The following ROBO2 variants were observed in gnomAD, a reference collection of about 807,000 sequenced individuals.
ROBO2 encodes the protein roundabout guidance receptor 2.
In ROBO2, 53 loss-of-function variants were observed where a neutral mutation model predicts 160.8. The ratio of observed to expected loss-of-function variants is 0.33; its 90% CI spans 0.26 to 0.41. The LOEUF (loss-of-function observed/expected upper bound fraction) is 0.41, where lower values mean the gene tolerates loss of function less well. ROBO2 is among the 10% of genes least tolerant of loss of function. The pLI is 1.00. For missense variants in ROBO2, 1,577 were observed against 1,722.4 expected, an observed-to-expected ratio of 0.92 and a Z score of 1.49; for synonymous variants, 664 against 611.7, an observed-to-expected ratio of 1.09 and a Z score of -1.26.
intron 2 of ROBO2, among the ~76,000 whole-genome samples, chr3:76,224,679 A>C (rs1353406405): frequency 3.9e-5 from 6 of 152,248 alleles, no homozygotes; most frequent in Admixed American, 2.6e-4. Context: ...CTAATTCATA[A>C]TTTTCTAATG....
intron 2 of ROBO2, among the ~76,000 whole-genome samples, chr3:77,194,581 T>C (rs192292199): frequency 1.3e-5 from 2 of 152,340 alleles, no homozygotes; most frequent in East Asian, 3.9e-4. Flanking sequence ...TGGGAATTCA[T>C]TAATTGACAT....
intron 2 of ROBO2, among the ~76,000 whole-genome samples, chr3:77,381,726 T>C (rs895449409): frequency 3.3e-5 from 5 of 152,248 alleles, no homozygotes; most frequent in Non-Finnish European, 4.4e-5. Flanking sequence ...AACATCATCA[T>C]TGAAAATCTC....
intron 2 of ROBO2, among the ~76,000 whole-genome samples, chr3:76,898,245 C>T (rs924251528): frequency 2.6e-5 from 4 of 151,998 alleles, no homozygotes; most frequent in African/African-American, 4.8e-5. Flanking sequence ...TTTTAAAGTG[C>T]TATTTTACAA....
chr3:76,689,111 G>C (rs911401697), intron 2 of ROBO2, among the ~76,000 whole-genome samples: 3 of 152,046 alleles, frequency 2.0e-5, no homozygotes, highest in African/African-American at 7.2e-5. Flanking sequence ...TGCAATTGCT[G>C]TCTCTTTCAT....
At chr3:77,608,506 T>C (rs1348277299) in intron 21 of ROBO2, among the ~76,000 whole-genome samples, 5 of 152,182 alleles carry the variant, frequency 3.3e-5, no homozygotes, top group Non-Finnish European at 7.4e-5. Flanking sequence ...CTTTTTAAGA[T>C]ACAAAATTTT....
chr3:75,925,237 A>T (rs1040076352), intron 1 of ROBO2, among the ~76,000 whole-genome samples: 4 of 151,914 alleles, frequency 2.6e-5, no homozygotes, highest in African/African-American at 4.8e-5. Flanking sequence ...TACAAAAAAT[A>T]CAAAAACTAG....
At chr3:76,025,191 A>G (rs1215322668) in intron 2 of ROBO2, among the ~76,000 whole-genome samples, 1 of 151,650 alleles carries the variant, frequency 6.6e-6, no homozygotes. Flanking sequence ...ATATTTAAAT[A>G]TAGTCATAGC....
chr3:76,840,645 TTATA>T (rs3068959), intron 2 of ROBO2, among the ~76,000 whole-genome samples: 36,900 of 134,568 alleles, frequency 0.27, 5,435 homozygotes, highest in Non-Finnish European at 0.34. Flanking sequence ...TAATTATATT[TTATA>T]TATATATATA....
At chr3:77,496,386 G>A (rs1001383215) in intron 5 of ROBO2, among the ~76,000 whole-genome samples, 1 of 152,084 alleles carries the variant, frequency 6.6e-6, no homozygotes, top group African/African-American at 2.4e-5. Context: ...TTCATTCCTC[G>A]ATTTGTATGT....
chr3:76,178,895 C>T (rs1034026153), intron 2 of ROBO2, among the ~76,000 whole-genome samples: 4 of 152,034 alleles, frequency 2.6e-5, no homozygotes, highest in East Asian at 3.9e-4. Flanking sequence ...GAGCTGAGGT[C>T]GTGCCATTGT....
chr3:76,522,972 ATTAT>A (rs1248844084), intron 2 of ROBO2, among the ~76,000 whole-genome samples: 6 of 148,416 alleles, frequency 4.0e-5, no homozygotes, highest in Non-Finnish European at 5.9e-5. Flanking sequence ...TGATTATATA[ATTAT>A]TTAAAGTTTT....
intron 1 of ROBO2, among the ~76,000 whole-genome samples, chr3:77,053,552 G>C (rs748622099): frequency 3.9e-5 from 6 of 152,096 alleles, no homozygotes; most frequent in Non-Finnish European, 7.3e-5. Flanking sequence ...TAACGATTTG[G>C]TGGGTGATGT....
At chr3:76,426,444 A>G (rs1263236354) in intron 2 of ROBO2, among the ~76,000 whole-genome samples, 1 of 152,156 alleles carries the variant, frequency 6.6e-6, no homozygotes, top group African/African-American at 2.4e-5. Context: ...TGATCAACAG[A>G]CATCTGCGTC....
At chr3:76,232,894 A>G (rs1051773582) in intron 2 of ROBO2, among the ~76,000 whole-genome samples, 3 of 152,192 alleles carry the variant, frequency 2.0e-5, no homozygotes, top group Admixed American at 6.5e-5. Flanking sequence ...GAAAATAGAT[A>G]GCAATATGCT....
chr3:77,525,629 A>G (rs1005480884), intron 6 of ROBO2, among the ~76,000 whole-genome samples: 1 of 151,196 alleles, frequency 6.6e-6, no homozygotes, highest in Non-Finnish European at 1.5e-5. Context: ...CATTTTACCC[A>G]TTTTTAATTT....
chr3:76,951,135 A>T (rs927860126), intron 2 of ROBO2, among the ~76,000 whole-genome samples: 1 of 152,230 alleles, frequency 6.6e-6, no homozygotes, highest in African/African-American at 2.4e-5. Flanking sequence ...TAGAGAATTT[A>T]TCAGCTTTGT....
intron 2 of ROBO2, among the ~76,000 whole-genome samples, chr3:76,997,716 C>G (rs186662512): frequency 6.6e-6 from 1 of 152,310 alleles, no homozygotes. Flanking sequence ...TGTATCCTCA[C>G]TGGGCATATC....
intron 2 of ROBO2, among the ~76,000 whole-genome samples, chr3:77,360,784 C>A (rs570807346): frequency 6.6e-6 from 1 of 152,120 alleles, no homozygotes; most frequent in Non-Finnish European, 1.5e-5. Flanking sequence ...GCCCCATCTC[C>A]ACATTTTCAC....
At chr3:77,477,604 T>A in intron 3 of ROBO2, 33 bp downstream of exon 3, 16 of 1,508,348 alleles carry the variant, frequency 1.1e-5, no homozygotes, top group Non-Finnish European at 1.5e-5. Flanking sequence ...CCCAGAGAGA[T>A]TGAATTTTCA....
Sources: allele counts gnomAD v4.1 joint callset (sites outside exome capture counted in the v4.1 genomes callset), GRCh38; gene constraint gnomAD v4.1.1; transcripts MANE v1.5; gene names NCBI Gene and HGNC (gene_info 2026-07-23, HGNC 2026-07-21).